Variants in SLC2A13 observed in about 807,000 individuals in gnomAD.
SLC2A13 encodes solute carrier family 2 member 13.
A neutral mutation model predicts 64.4 loss-of-function variants in SLC2A13; 32 were observed. The observed-to-expected ratio is 0.50, with a 90% CI of 0.37 to 0.67. The LOEUF (loss-of-function observed/expected upper bound fraction) is 0.67, where lower values mean the gene tolerates loss of function less well. Ranked by LOEUF, SLC2A13 falls within the 30% of genes least tolerant of loss-of-function variation. SLC2A13 has a pLI of 0.00. For missense variants in SLC2A13, 743 were observed against 829.2 expected, an observed-to-expected ratio of 0.90 and a Z score of 1.28; for synonymous variants, 338 against 327.1, an observed-to-expected ratio of 1.03 and a Z score of -0.36.
intron 3 of SLC2A13, among the ~76,000 whole-genome samples, chr12:39,976,557 A>G (rs973278480): frequency 2.0e-5 from 3 of 151,910 alleles, no homozygotes; most frequent in Non-Finnish European, 4.4e-5. Context: ...TTTAATTTTT[A>G]AATCTTCACT....
chr12:39,898,540 C>A (rs1052408645), intron 4 of SLC2A13, among the ~76,000 whole-genome samples: 2 of 152,138 alleles, frequency 1.3e-5, no homozygotes, highest in Non-Finnish European at 2.9e-5. Flanking sequence ...ATTCCTTCAG[C>A]TAAACACCAG....
chr12:39,972,889 G>C (rs577118586), intron 3 of SLC2A13, among the ~76,000 whole-genome samples: 11 of 152,058 alleles, frequency 7.2e-5, no homozygotes, highest in Non-Finnish European at 1.3e-4. Flanking sequence ...CCAACATGGA[G>C]AAACCCCGTC....
At chr12:39,866,563 C>A (rs1275742516) in intron 5 of SLC2A13, among the ~76,000 whole-genome samples, 1 of 152,042 alleles carries the variant, frequency 6.6e-6, no homozygotes, top group African/African-American at 2.4e-5. Flanking sequence ...ACTGCAGGCT[C>A]CGCCCCCCGG....
intron 3 of SLC2A13, among the ~76,000 whole-genome samples, chr12:40,023,451 G>A (rs890995730): frequency 1.3e-5 from 2 of 152,078 alleles, no homozygotes; most frequent in African/African-American, 4.8e-5. Context: ...CTTGTTCGCT[G>A]GTACAGGATA....
intron 7 of SLC2A13, among the ~76,000 whole-genome samples, chr12:39,780,394 C>T (rs1406255399): frequency 6.6e-6 from 1 of 152,154 alleles, no homozygotes; most frequent in Non-Finnish European, 1.5e-5. Context: ...ATGAAAACTG[C>T]TTGAAATCTC....
chr12:39,886,792 C>T (rs1244069903), intron 4 of SLC2A13, among the ~76,000 whole-genome samples: 3 of 152,114 alleles, frequency 2.0e-5, no homozygotes, highest in African/African-American at 4.8e-5. Context: ...TGAGTATTTT[C>T]TATGAATCTA....
intron 2 of SLC2A13, among the ~76,000 whole-genome samples, chr12:40,041,044 C>T (rs765783309): frequency 4.6e-5 from 7 of 152,072 alleles, no homozygotes; most frequent in Non-Finnish European, 1.0e-4. Context: ...ACCTCTGCCT[C>T]CCGGGTTCAA....
chr12:39,843,514 C>T (rs1943228189), intron 6 of SLC2A13, among the ~76,000 whole-genome samples: 1 of 152,078 alleles, frequency 6.6e-6, no homozygotes, highest in South Asian at 2.1e-4. Flanking sequence ...CCAATATCTA[C>T]TTGCCCTCCA....
chr12:40,050,905 AG>A (rs1485984310), intron 1 of SLC2A13, among the ~76,000 whole-genome samples: 3 of 152,306 alleles, frequency 2.0e-5, no homozygotes, highest in African/African-American at 7.2e-5. Flanking sequence ...ACTACTTCAT[AG>A]GAGTTGAGAG....
rs111790094 is a variant in SLC2A13, at chr12:40,071,354, A to G, written c.557-23144T>C. ...AATATCAATTTTAAAAAGCTGAATC[A>G]GTCTTGCATACTTGGGACAAATCCC... On this transcript the variant is annotated intron_variant, in intron 1 of 9. Coordinates refer to ENST00000280871, the MANE Select transcript of SLC2A13 (RefSeq NM_052885.4). Among the ~76,000 whole-genome samples the G allele has an allele frequency of 2.3e-3, 350 of 152,312 alleles. 2 individuals are homozygous for G. The highest frequency in any genetic ancestry group is 7.8e-3 in the African/African-American group (323 of 41,570).
chr12:39,978,833 G>GGCCT (rs1209980632), intron 3 of SLC2A13, among the ~76,000 whole-genome samples: 35 of 151,966 alleles, frequency 2.3e-4, no homozygotes, highest in Non-Finnish European at 4.9e-4. Flanking sequence ...AGCTCAAGGA[G>GGCCT]GCCTGCCTGC....
rs569155726 is a variant in SLC2A13 at position 39,948,567 on chromosome 12, T to C, written c.1034+2690A>G. Among the ~76,000 whole-genome samples, 5 of 152,274 alleles carry C rather than the reference T, an allele frequency of 3.3e-5. No individual in the cohort carries two copies. In the East Asian group the frequency reaches 9.6e-4, roughly 29 times the overall value. ...TATCTTTTAATGTATTTGTTTAATA[T>C]TATCTTTCCGTATAATCTTTCTATA... On this transcript the variant is annotated intron_variant, in intron 4 of 9. Coordinates refer to ENST00000280871, the MANE Select transcript of SLC2A13 (RefSeq NM_052885.4).
chr12:39,812,367 C>CTTTTCTTTTCTTTTCTTTTCTTTTCTT (rs1942194853), intron 7 of SLC2A13, among the ~76,000 whole-genome samples: 1 of 142,536 alleles, frequency 7.0e-6, no homozygotes, highest in African/African-American at 2.7e-5. Context: ...CTTTTCTTTT[C>CTTTTCTTTTCTTTTCTTTTCTTTTCTT]TTTTCTTTTC....
At chr12:39,808,955 G>A (rs74752119) in intron 7 of SLC2A13, among the ~76,000 whole-genome samples, 1,800 of 152,134 alleles carry the variant, frequency 0.012, 35 homozygotes, top group African/African-American at 0.04. Context: ...TTTGTTGTGT[G>A]TGCTTTTTGT....
At chr12:39,992,717 G>A (rs543208721) in intron 3 of SLC2A13, among the ~76,000 whole-genome samples, 4 of 151,890 alleles carry the variant, frequency 2.6e-5, no homozygotes, top group African/African-American at 9.7e-5. Context: ...GTATTAACAG[G>A]TGTATGTCAT....
At chr12:39,930,890 C>A (rs1429103575) in intron 4 of SLC2A13, among the ~76,000 whole-genome samples, 2 of 152,148 alleles carry the variant, frequency 1.3e-5, no homozygotes, top group Non-Finnish European at 2.9e-5. Flanking sequence ...AGCAGTCAAG[C>A]AATTTGATTC....
chr12:39,785,188 A>T (rs1286167414), intron 7 of SLC2A13, among the ~76,000 whole-genome samples: 2 of 152,190 alleles, frequency 1.3e-5, no homozygotes, highest in South Asian at 2.1e-4. Flanking sequence ...CCATCACAGG[A>T]CCGGAGGCCC....
chr12:39,920,014 G>T (rs1945587696), intron 4 of SLC2A13, among the ~76,000 whole-genome samples: 1 of 151,872 alleles, frequency 6.6e-6, no homozygotes. Context: ...TTACTTAGGA[G>T]TCCAGCTGTA....
chr12:39,890,506 T>C (rs1944577355), intron 4 of SLC2A13, among the ~76,000 whole-genome samples: 1 of 152,192 alleles, frequency 6.6e-6, no homozygotes, highest in Non-Finnish European at 1.5e-5. Context: ...GTGGGCCTAA[T>C]ATAAGCATGA....
Sources: allele counts gnomAD v4.1 joint callset (sites outside exome capture counted in the v4.1 genomes callset), GRCh38; gene constraint gnomAD v4.1.1; transcripts MANE v1.5; gene names NCBI Gene and HGNC (gene_info 2026-07-23, HGNC 2026-07-21).